The following GPATCH2 variants were observed in gnomAD, a reference collection of about 807,000 sequenced individuals.
GPATCH2 encodes the protein G patch domain-containing protein 2.
In GPATCH2, 51 loss-of-function variants were observed where a neutral mutation model predicts 58.0. The observed-to-expected ratio is 0.88, with a 90% CI of 0.70 to 1.11. The LOEUF (loss-of-function observed/expected upper bound fraction) is 1.11, where lower values mean the gene tolerates loss of function less well. Among genes scored for constraint, GPATCH2 ranks in the 50% most tolerant of loss-of-function variants. The pLI, the probability that GPATCH2 is intolerant of heterozygous loss-of-function variation, is 0.00. For synonymous variants in GPATCH2, 222 were observed against 218.5 expected (o/e 1.02, Z -0.14); for missense variants, 625 against 652.2 (o/e 0.96, Z 0.45).
rs1371552015 is a variant in GPATCH2, at chr1:217,624,905, A to G, written c.57-4406T>C. ...ATATCTAAGATAACAATAGTTCATC[A>G]ATAGTTTTATTAAAATAGTCCGAAT... is the stretch of plus-strand genomic sequence containing the variant. On this transcript the variant is annotated intron_variant, in intron 1 of 9. Coordinates refer to ENST00000366935, the MANE Select transcript of GPATCH2 (RefSeq NM_018040.5). 2.0e-5 allele frequency among the ~76,000 whole-genome samples: 3 copies of G among 152,358 alleles called. No homozygotes were observed. In the East Asian group the frequency reaches 5.8e-4, roughly 29 times the overall value.
intron 1 of GPATCH2, among the ~76,000 whole-genome samples, chr1:217,622,546 GT>G (rs1484505089): frequency 6.6e-6 from 1 of 152,124 alleles, no homozygotes; most frequent in Admixed American, 6.6e-5. Flanking sequence ...ACAACTCAGG[GT>G]TTTTTTGTTT....
Position 217,620,464 on chromosome 1 carries a change from T to A in GPATCH2, c.92A>T (p.Asp31Val). 1 of 1,613,036 alleles carries A rather than the reference T, an allele frequency of 6.2e-7. No homozygotes were observed. The highest frequency in any genetic ancestry group is 8.5e-7 in the Non-Finnish European group (1 of 1,179,358). ...GCTCTCTTCCAATGCTGAGACAAGG[T>A]CATGAACCAGCTCCTCCATGGTTCT... ...FSRTMEELVH[D>V]LVSALEESSE... Residue 31 changes from aspartate (D) to valine (V), a missense_variant, in exon 2 of 10, where the codon GAC becomes GTC. Physicochemically the swap from Asp to Val is radical, Grantham distance 152. Transcript: ENST00000366935.
At chr1:217,456,328 G>T (rs1253617567) in intron 8 of GPATCH2, among the ~76,000 whole-genome samples, 2 of 152,160 alleles carry the variant, frequency 1.3e-5, no homozygotes, top group Admixed American at 6.5e-5. Context: ...GTCCATCTGG[G>T]TGTTCCACCT....
chr1:217,470,922 C>G (rs950713724), intron 8 of GPATCH2, among the ~76,000 whole-genome samples: 11 of 151,554 alleles, frequency 7.3e-5, no homozygotes, highest in Non-Finnish European at 1.3e-4. Context: ...TTCATTCATG[C>G]GTACATAAGA....
Position 217,429,228 on chromosome 1 carries a change from TA to T in GPATCH2, c.*1916del, listed in dbSNP as rs1054017022. 2 of 152,090 alleles carry T rather than the reference TA, an allele frequency of 1.3e-5. No homozygotes were observed. The highest frequency in any genetic ancestry group is 4.8e-5 in the African/African-American group (2 of 41,406). The allele number at this position is 152,090 out of a possible 1,614,324, so 9.4% of individuals were successfully genotyped here. On this transcript the variant is annotated 3_prime_UTR_variant, in exon 10 of 10. Transcript: ENST00000366935. Reference sequence around the variant, plus strand: ...GAATGAGCATTTAGAAAATATCAGTTAAAAAAATGGCAAATTTGTAAGTAAA... The same window carrying T: ...GAATGAGCATTTAGAAAATATCAGTTAAAAAATGGCAAATTTGTAAGTAAA...
chr1:217,487,425 CTTT>C (rs556623228), intron 8 of GPATCH2, among the ~76,000 whole-genome samples: 25 of 137,222 alleles, frequency 1.8e-4, no homozygotes, highest in Middle Eastern at 3.8e-3. Flanking sequence ...AAGAGTACTT[CTTT>C]TTTTTTTTTT....
intron 2 of GPATCH2, among the ~76,000 whole-genome samples, chr1:217,614,746 T>C (rs990188989): frequency 4.6e-5 from 7 of 151,104 alleles, no homozygotes; most frequent in Non-Finnish European, 8.8e-5. Flanking sequence ...TGATAATCCA[T>C]TATATCGAAG....
At position 217,609,418 on chromosome 1, in the gene GPATCH2, A is replaced by G. The variant is rs1668522566; in HGVS notation, c.1098+903T>C. The G allele has an allele frequency of 2.0e-6, 2 of 984,070 alleles. 1 individual carries two copies. Among genetic ancestry groups the G allele is most frequent in the South Asian group, 9.4e-5 (2 of 21,270 alleles). The allele number at this position is 984,070 out of a possible 1,614,324, so 61.0% of individuals were successfully genotyped here. Reference sequence around the variant, plus strand: ...ATAATTTTGATGTGTTTCAGGTATCAGACAAAGCAGATAATTTAAAAGGTA... The same window carrying G: ...ATAATTTTGATGTGTTTCAGGTATCGGACAAAGCAGATAATTTAAAAGGTA... On this transcript the variant is annotated intron_variant, in intron 5 of 9. Transcript: ENST00000366935.
chr1:217,476,968 A>G (rs746735686), intron 8 of GPATCH2, among the ~76,000 whole-genome samples: 8 of 151,938 alleles, frequency 5.3e-5, no homozygotes, highest in Non-Finnish European at 1.0e-4. Flanking sequence ...TCCAAAAGGG[A>G]TCCCTTTCAT....
intron 1 of GPATCH2, among the ~76,000 whole-genome samples, chr1:217,620,807 C>T (rs578197175): frequency 2.6e-5 from 4 of 152,196 alleles, no homozygotes; most frequent in East Asian, 1.9e-4. Flanking sequence ...AATCCCTATC[C>T]GCTGGCCCAC....
Position 217,550,696 on chromosome 1 carries a change from T to C in GPATCH2, c.1099-35807A>G, listed in dbSNP as rs1299018501. Among the ~76,000 whole-genome samples, 9 of 151,912 alleles carry C rather than the reference T, an allele frequency of 5.9e-5. 1 individual carries two copies. Among genetic ancestry groups the C allele is most frequent in the Non-Finnish European group, 1.2e-4 (8 of 67,910 alleles). ...GTAAAATTTGTTTCCAAAAATGAAA[T>C]AGCTTACTCTGTACTTATCACAATT... On this transcript the variant is annotated intron_variant, in intron 5 of 9. Transcript: ENST00000366935.
chr1:217,567,323 G>A (rs11806758), intron 5 of GPATCH2, among the ~76,000 whole-genome samples: 5,867 of 152,294 alleles, frequency 0.039, 135 homozygotes, highest in Middle Eastern at 0.088. Flanking sequence ...TGGGATTACA[G>A]GCATGAGCCA....
intron 6 of GPATCH2, among the ~76,000 whole-genome samples, chr1:217,503,352 C>G (rs1290690564): frequency 1.3e-5 from 2 of 151,984 alleles, no homozygotes; most frequent in African/African-American, 4.8e-5. Flanking sequence ...ATACTGTAAT[C>G]TATTCTTTCT....
chr1:217,559,422 A>T (rs1665811203), intron 5 of GPATCH2, among the ~76,000 whole-genome samples: 1 of 152,138 alleles, frequency 6.6e-6, no homozygotes, highest in Admixed American at 6.5e-5. Flanking sequence ...TACCTGTGAC[A>T]TAAAAAATCA....
chr1:217,508,997 G>A (rs954529110), intron 6 of GPATCH2, among the ~76,000 whole-genome samples: 20 of 152,108 alleles, frequency 1.3e-4, no homozygotes, highest in Non-Finnish European at 2.8e-4. Context: ...AAATGATCGC[G>A]TTTTTATAAT....
chr1:217,483,168 T>C (rs994309971), intron 8 of GPATCH2, among the ~76,000 whole-genome samples: 10 of 152,210 alleles, frequency 6.6e-5, no homozygotes, highest in African/African-American at 2.4e-4. Flanking sequence ...AATATTTGTA[T>C]ACCAATCTTG....
intron 9 of GPATCH2, among the ~76,000 whole-genome samples, chr1:217,440,977 G>A (rs12079598): frequency 0.03 from 4,495 of 152,202 alleles, 205 homozygotes; most frequent in African/African-American, 0.1. Context: ...AGCTAACATT[G>A]ACTTTCTTCA....
intron 8 of GPATCH2, among the ~76,000 whole-genome samples, chr1:217,452,112 A>G (rs1171160206): frequency 6.6e-6 from 1 of 152,182 alleles, no homozygotes; most frequent in African/African-American, 2.4e-5. Flanking sequence ...ATGTGGAGTC[A>G]TTAAAGTAGA....
chr1:217,594,757 T>C (rs1192075429), intron 5 of GPATCH2, among the ~76,000 whole-genome samples: 1 of 152,190 alleles, frequency 6.6e-6, no homozygotes, highest in Non-Finnish European at 1.5e-5. Flanking sequence ...GATTACTTAT[T>C]AGAAATAAGA....
Sources: allele counts gnomAD v4.1 joint callset (sites outside exome capture counted in the v4.1 genomes callset), GRCh38; gene constraint gnomAD v4.1.1; transcripts MANE v1.5; gene names NCBI Gene and HGNC (gene_info 2026-07-23, HGNC 2026-07-21).